The following CD8A variants were observed in gnomAD, a reference collection of about 807,000 sequenced individuals.
The protein encoded by CD8A is T-cell surface glycoprotein CD8 alpha chain.
In CD8A, 25 loss-of-function variants were observed where a neutral mutation model predicts 24.2. That is an observed-to-expected ratio of 1.03 (90% confidence interval 0.75 to 1.44). The LOEUF (loss-of-function observed/expected upper bound fraction) is 1.44, where lower values mean the gene tolerates loss of function less well. Ranked by LOEUF, CD8A falls within the 40% of genes most tolerant of loss-of-function variation. The probability of loss-of-function intolerance (pLI) is 0.00; values close to 1 mark genes in which losing one functional copy is unlikely to be tolerated. For synonymous variants in CD8A, 165 were observed against 149.9 expected (o/e 1.10, Z -0.74); for missense variants, 360 against 319.7 (o/e 1.13, Z -0.96).
intron 3 of CD8A, 79 bp from the exon 4 acceptor site, chr2:86,789,512 C>T: frequency 7.3e-7 from 1 of 1,365,440 alleles, no homozygotes; most frequent in Non-Finnish European, 1.0e-6. Context: ...GAACGTCTCT[C>T]CGCCTCAGAT....
chr2:86,799,386 T>C (rs1673586253), intron 3 of CD8A, among the ~76,000 whole-genome samples: 1 of 152,176 alleles, frequency 6.6e-6, no homozygotes, highest in Non-Finnish European at 1.5e-5. Flanking sequence ...AATCCAAACA[T>C]TTTTCATGTA....
chr2:86,805,580 C>T (rs778606865), intron 2 of CD8A, among the ~76,000 whole-genome samples: 26 of 152,070 alleles, frequency 1.7e-4, no homozygotes, highest in Non-Finnish European at 2.9e-4. Flanking sequence ...AGGTTGAGAC[C>T]GAGCATCTGG....
chr2:86,792,240 C>A (rs1558736774), upstream of CD8A, among the ~76,000 whole-genome samples: 1 of 152,056 alleles, frequency 6.6e-6, no homozygotes, highest in African/African-American at 2.4e-5. Flanking sequence ...GTTTCTGAGT[C>A]TTTCCACTTT....
exon 1 of CD8A, chr2:86,808,234 C>G (rs1385317130): frequency 6.6e-6 from 1 of 151,686 alleles, no homozygotes; most frequent in Non-Finnish European, 1.5e-5. Flanking sequence ...GAGCTCAGCG[C>G]GCCGTACTGA....
intron 2 of CD8A, among the ~76,000 whole-genome samples, chr2:86,802,659 G>A (rs750576016): frequency 1.5e-4 from 23 of 152,074 alleles, no homozygotes; most frequent in Non-Finnish European, 3.1e-4. Context: ...AGGCTGGACC[G>A]CAGTGGCACA....
chr2:86,784,802 T>G lies in CD8A; in HGVS notation c.*1118A>C, dbSNP rs1426399790. On this transcript the variant is annotated 3_prime_UTR_variant, in exon 6 of 6. Transcript: ENST00000283635. ...AGAATTATGAGTGGTTCTTATTTCC[T>G]TATCTACTTAAGTTTTTTCTCTCCA... 8 of 454,020 alleles carry G rather than the reference T, an allele frequency of 1.8e-5. No individual in the cohort carries two copies. Among genetic ancestry groups the G allele is most frequent in the African/African-American group, 1.6e-4 (8 of 50,020 alleles). The allele number at this position is 454,020 out of a possible 1,614,324, so 28.1% of individuals were successfully genotyped here. A position where few individuals can be genotyped will look rare whatever the true frequency, so the allele number is the denominator to read the frequency against.
In CD8A at chr2:86,785,074, T is replaced by A. The variant is rs775535465; in HGVS notation, c.*846A>T. 6 of 454,124 alleles carry A rather than the reference T, an allele frequency of 1.3e-5. No individual in the cohort carries two copies. Among genetic ancestry groups the A allele is most frequent in the South Asian group, 7.8e-5 (5 of 64,470 alleles). 28.1% of individuals were successfully genotyped at this position (454,124 alleles called of 1,614,324 possible). On this transcript the variant is annotated 3_prime_UTR_variant, in exon 6 of 6. Transcript: ENST00000283635. ...GATTCAAGAGGGCCTTAGTTTAACC[T>A]CACTGATGCTCAAATTCTATTTGTA... is the stretch of plus-strand genomic sequence containing the variant.
chr2:86,807,118 T>C (rs1189167686), intron 2 of CD8A, among the ~76,000 whole-genome samples: 8 of 151,656 alleles, frequency 5.3e-5, no homozygotes, highest in Non-Finnish European at 1.0e-4. Flanking sequence ...GAGAGCACAA[T>C]TGGTTGGAAG....
Position 86,789,733 on chromosome 2 carries a change from G to C in CD8A, c.421C>G (p.Pro141Ala). 7.3e-7 allele frequency: 1 copy of C among 1,366,324 alleles called. No individual in the cohort carries two copies. The highest frequency in any genetic ancestry group is 9.4e-7 in the Non-Finnish European group (1 of 1,067,514). The allele number at this position is 1,366,324 out of a possible 1,614,324, so 84.6% of individuals were successfully genotyped here. ...GCCGGTGTTGGTGGTCGCGGCGCTGGCGTCGTGGTGGGCTTCGCTGCAAGA... is the reference window on the plus strand; with the variant it reads ...GCCGGTGTTGGTGGTCGCGGCGCTGCCGTCGTGGTGGGCTTCGCTGCAAGA... ...VFLPAKPTTT[P>A]APRPPTPAPT... The change falls in exon 3 of 6, where the codon CCA (proline) becomes GCA (alanine). Residue 141 changes from proline to alanine, a missense_variant. Physicochemically the swap from Pro to Ala is conservative, Grantham distance 27 (BLOSUM62 -1). Coordinates refer to ENST00000283635, the MANE Select transcript of CD8A (RefSeq NM_001768.7).
Position 86,784,964 on chromosome 2 carries a change from T to C in CD8A, c.*956A>G. On this transcript the variant is annotated 3_prime_UTR_variant, in exon 6 of 6. Coordinates refer to ENST00000283635, the MANE Select transcript of CD8A (RefSeq NM_001768.7). ...GCTAGTTGAGCAGAGGCCAGGGCTG[T>C]GTGAGGGGCTCTCCAACAATTGTCT... is the stretch of plus-strand genomic sequence containing the variant. 1 of 454,144 alleles carries C rather than the reference T, an allele frequency of 2.2e-6. No homozygotes were observed. Among genetic ancestry groups the C allele is most frequent in the Non-Finnish European group, 4.4e-6 (1 of 226,806 alleles). 28.1% of individuals were successfully genotyped at this position (454,144 alleles called of 1,614,324 possible).
At chr2:86,790,244 T>C (rs2104439227) in intron 2 of CD8A, 84 bp downstream of exon 2, 1 of 1,017,886 alleles carries the variant, frequency 9.8e-7, no homozygotes, top group East Asian at 2.4e-5. Context: ...CTAAGAGGCT[T>C]GAAAGCAGGG....
chr2:86,807,939 G>A (rs1573474478), intron 1 of CD8A, among the ~76,000 whole-genome samples: 1 of 152,294 alleles, frequency 6.6e-6, no homozygotes, highest in Admixed American at 6.5e-5. Context: ...AACCGCACCG[G>A]TGGAGACAGG....
intron 5 of CD8A, among the ~76,000 whole-genome samples, chr2:86,788,209 T>C (rs1296327213): frequency 6.7e-6 from 1 of 149,462 alleles, no homozygotes; most frequent in African/African-American, 2.5e-5. Flanking sequence ...GGTCAGGTCC[T>C]ACGAGGAGCT....
chr2:86,790,578 C>A lies in CD8A; in HGVS notation c.153G>T (p.Thr51=), dbSNP rs147048705. The change falls in exon 2 of 6, where the codon ACG becomes ACT. Residue 51 remains threonine, a synonymous_variant. Transcript: ENST00000283635. ...GCTGGAAGAGCCACGAGCAGCCCGA[C>A]GTCGGGTTGGACAGCAGCACCTGGC... ...LKCQVLLSNP[T]SGCSWLFQPR... is the part of the protein sequence containing the mutation. 8,266 of 1,612,602 alleles carry A rather than the reference C, an allele frequency of 5.1e-3. 30 individuals are homozygous for A. Among genetic ancestry groups the A allele is most frequent in the Non-Finnish European group, 6.5e-3 (7,676 of 1,179,896 alleles).
upstream of CD8A, among the ~76,000 whole-genome samples, chr2:86,795,210 G>C (rs115633689): frequency 4.5e-3 from 686 of 152,286 alleles, 6 homozygotes; most frequent in African/African-American, 0.015. Flanking sequence ...GCACACACTT[G>C]AGTGGCACAC....
At chr2:86,805,939 CTCTT>C (rs373310709) in intron 2 of CD8A, among the ~76,000 whole-genome samples, 241 of 152,114 alleles carry the variant, frequency 1.6e-3, no homozygotes, top group African/African-American at 3.7e-3. Context: ...TTCTCTCTCT[CTCTT>C]TCTTTTTCTT....
chr2:86,805,933 C>G (rs1450658133), intron 2 of CD8A, among the ~76,000 whole-genome samples: 1 of 151,622 alleles, frequency 6.6e-6, no homozygotes, highest in Non-Finnish European at 1.5e-5. Flanking sequence ...CTTTCTTTCT[C>G]TCTCTCTCTT....
chr2:86,803,724 T>C (rs1358084348), intron 2 of CD8A, among the ~76,000 whole-genome samples: 1 of 152,204 alleles, frequency 6.6e-6, no homozygotes, highest in Non-Finnish European at 1.5e-5. Flanking sequence ...GCTAATTGTA[T>C]TTTTAGTAGA....
upstream of CD8A, chr2:86,791,100 G>A: frequency 4.3e-6 from 3 of 692,002 alleles, no homozygotes; most frequent in Non-Finnish European, 5.3e-6. Flanking sequence ...TGAAAACTGC[G>A]GGTTTGGGGA....
Sources: gnomAD v4.1 joint callset for allele counts (sites outside exome capture counted in the v4.1 genomes callset) on GRCh38, gnomAD v4.1.1 for gene constraint, MANE v1.5 for transcripts, NCBI Gene and HGNC (gene_info 2026-07-23, HGNC 2026-07-21) for gene names.